The following RAPGEF2 variants were observed in gnomAD, a reference collection of about 807,000 sequenced individuals.
RAPGEF2 encodes the protein Rap guanine nucleotide exchange factor 2.
A neutral mutation model predicts 186.7 loss-of-function variants in RAPGEF2; 54 were observed. The observed-to-expected ratio is 0.29, with a 90% CI of 0.23 to 0.36. RAPGEF2 has a LOEUF of 0.36. RAPGEF2 is among the 10% of genes least tolerant of loss of function. The pLI is 1.00. For synonymous variants in RAPGEF2, 712 were observed against 705.9 expected (o/e 1.01, Z -0.14); for missense variants, 1,532 against 2,045.0 (o/e 0.75, Z 4.84).
intron 7 of RAPGEF2, among the ~76,000 whole-genome samples, chr4:159,284,510 A>G (rs1760181601): frequency 7.0e-6 from 1 of 142,610 alleles, no homozygotes; most frequent in African/African-American, 3.0e-5. Context: ...ACACACACAC[A>G]CACACACACA....
Position 159,124,049 on chromosome 4 carries a change from T to C in RAPGEF2, c.69+19818T>C, listed in dbSNP as rs141068567. On this transcript the variant is annotated intron_variant, in intron 1 of 29. Transcript: ENST00000691494. ...TTTTGTATTTTTAGTAGAGATGGCG[T>C]TTCGCCATGTTGGCCAGGCTGTTCT... is the stretch of plus-strand genomic sequence containing the variant. 5.2e-3 allele frequency among the ~76,000 whole-genome samples: 793 copies of C among 151,362 alleles called. 8 individuals are homozygous for C. The highest frequency in any genetic ancestry group is 0.018 in the African/African-American group (754 of 41,270).
At position 159,266,331 on chromosome 4, in the gene RAPGEF2, A is replaced by G. The variant is rs77225330; in HGVS notation, c.543+22540A>G. ...GAAACACAAGTCAGCAAGCACTGAC[A>G]GTTCCAAAGTCAATTATTAAAAATG... On this transcript the variant is annotated intron_variant, in intron 7 of 29. Transcript: ENST00000691494. 4.5e-3 allele frequency among the ~76,000 whole-genome samples: 688 copies of G among 152,314 alleles called. 6 individuals carry two copies. The highest frequency in any genetic ancestry group is 0.016 in the African/African-American group (649 of 41,568).
chr4:159,178,724 GTTTTTGTAT>G (rs1375748036), intron 1 of RAPGEF2, among the ~76,000 whole-genome samples: 1 of 151,656 alleles, frequency 6.6e-6, no homozygotes, highest in Non-Finnish European at 1.5e-5. Context: ...CGCCCGGCTA[GTTTTTGTAT>G]TTTTAGTAGA....
chr4:159,309,141 C>T (rs1366167363), intron 8 of RAPGEF2, among the ~76,000 whole-genome samples: 1 of 152,162 alleles, frequency 6.6e-6, no homozygotes, highest in Non-Finnish European at 1.5e-5. Flanking sequence ...TTTCTAACTG[C>T]AGATCATAGC....
intron 7 of RAPGEF2, among the ~76,000 whole-genome samples, chr4:159,277,790 A>G (rs1050590623): frequency 2.0e-5 from 3 of 151,890 alleles, no homozygotes; most frequent in African/African-American, 7.3e-5. Flanking sequence ...TTTTTCTTGT[A>G]AATTTGTTTA....
At position 159,358,225 on chromosome 4, in the gene RAPGEF2, A is replaced by C. The variant is rs537369719; in HGVS notation, c.*86A>C. 1 of 1,398,292 alleles carries C rather than the reference A, an allele frequency of 7.2e-7. No homozygotes were observed. Among genetic ancestry groups the C allele is most frequent in the African/African-American group, 1.4e-5 (1 of 69,506 alleles). 86.6% of individuals were successfully genotyped at this position (1,398,292 alleles called of 1,614,324 possible). On this transcript the variant is annotated 3_prime_UTR_variant, in exon 30 of 30. Transcript: ENST00000691494. The stretch of plus-strand genomic sequence containing the variant: ...TGAGCATTGGAGCCTTGGAACTCAC[A>C]TTCTGAGGACGGTGGACCAGTTTGC...
intron 7 of RAPGEF2, among the ~76,000 whole-genome samples, chr4:159,298,684 AGAGGGAGT>A (rs1344643417): frequency 1.3e-5 from 2 of 152,216 alleles, no homozygotes; most frequent in East Asian, 3.8e-4. Flanking sequence ...CTTGAGTTCC[AGAGGGAGT>A]GAAAGATCGT....
chr4:159,227,977 A>T (rs891216054), intron 4 of RAPGEF2, among the ~76,000 whole-genome samples: 1 of 152,218 alleles, frequency 6.6e-6, no homozygotes, highest in African/African-American at 2.4e-5. Flanking sequence ...TTTGACCTTG[A>T]AGACTCAGAG....
At chr4:159,323,906 CTT>C (rs533696130) in intron 11 of RAPGEF2, among the ~76,000 whole-genome samples, 3 of 130,494 alleles carry the variant, frequency 2.3e-5, no homozygotes, top group Non-Finnish European at 1.7e-5. Context: ...TTTTGGAGGG[CTT>C]TTTTTTTTTT....
chr4:159,155,304 G>A lies in RAPGEF2; in HGVS notation c.70-31338G>A, dbSNP rs139789085. Among the ~76,000 whole-genome samples the A allele has an allele frequency of 1.9e-3, 285 of 152,244 alleles. 1 individual carries two copies. The highest frequency in any genetic ancestry group is 0.018 in the East Asian group (91 of 5,188). ...TCCCGCTGAGTGGTTTTAATTTTCCGTTTTGATTGACAGCCACCTTTTGCA... is the reference window on the plus strand; with the variant it reads ...TCCCGCTGAGTGGTTTTAATTTTCCATTTTGATTGACAGCCACCTTTTGCA... On this transcript the variant is annotated intron_variant, in intron 1 of 29. Coordinates refer to ENST00000691494, the MANE Select transcript of RAPGEF2 (RefSeq NM_001394067.2).
chr4:159,335,244 G>T (rs529141610), intron 17 of RAPGEF2, among the ~76,000 whole-genome samples: 25 of 152,296 alleles, frequency 1.6e-4, no homozygotes, highest in Non-Finnish European at 2.5e-4. Context: ...TGAGCTCCCA[G>T]AATTCAGATT....
intron 1 of RAPGEF2, among the ~76,000 whole-genome samples, chr4:159,183,811 A>G (rs1747271391): frequency 6.6e-6 from 1 of 152,198 alleles, no homozygotes; most frequent in Non-Finnish European, 1.5e-5. Flanking sequence ...TTACATGTGT[A>G]TACATGTGCC....
At chr4:159,111,967 G>A (rs914712203) in intron 1 of RAPGEF2, among the ~76,000 whole-genome samples, 1 of 152,130 alleles carries the variant, frequency 6.6e-6, no homozygotes, top group Non-Finnish European at 1.5e-5. Flanking sequence ...GTTCTTGTTG[G>A]ACTTTTATAG....
intron 13 of RAPGEF2, 77 bp downstream of exon 13, chr4:159,330,575 A>G (rs1433132964): frequency 1.9e-6 from 2 of 1,049,896 alleles, no homozygotes; most frequent in Non-Finnish European, 2.8e-6. Flanking sequence ...TATTTGTCAC[A>G]GCAATTATGT....
intron 24 of RAPGEF2, among the ~76,000 whole-genome samples, chr4:159,345,830 G>A (rs909368046): frequency 5.9e-5 from 9 of 151,734 alleles, no homozygotes; most frequent in Non-Finnish European, 1.0e-4. Context: ...TTAAAAATCT[G>A]GTTAATCTAT....
At chr4:159,343,850 G>T (rs1465204629) in intron 22 of RAPGEF2, among the ~76,000 whole-genome samples, 186 bp from the exon 23 acceptor site, 1 of 152,214 alleles carries the variant, frequency 6.6e-6, no homozygotes, top group Non-Finnish European at 1.5e-5. Context: ...AAATTTAAAT[G>T]TATGTGTCTT....
At chr4:159,341,349 ATTTG>A (rs1325335941) in intron 19 of RAPGEF2, among the ~76,000 whole-genome samples, 1 of 152,208 alleles carries the variant, frequency 6.6e-6, no homozygotes, top group East Asian at 1.9e-4. Flanking sequence ...ATTCCATGTG[ATTTG>A]TTTGTTTCTA....
intron 1 of RAPGEF2, among the ~76,000 whole-genome samples, chr4:159,150,363 T>G (rs1199077792): frequency 6.6e-6 from 1 of 152,184 alleles, no homozygotes; most frequent in Non-Finnish European, 1.5e-5. Flanking sequence ...TATATACGGT[T>G]GATTCATCAA....
intron 1 of RAPGEF2, among the ~76,000 whole-genome samples, chr4:159,118,933 T>A (rs988488811): frequency 4.6e-5 from 7 of 152,212 alleles, no homozygotes; most frequent in Non-Finnish European, 8.8e-5. Context: ...TTAATAAATA[T>A]TTACTCTTCT....
Sources: gnomAD v4.1 joint callset for allele counts (sites outside exome capture counted in the v4.1 genomes callset) on GRCh38, gnomAD v4.1.1 for gene constraint, MANE v1.5 for transcripts, NCBI Gene and HGNC (gene_info 2026-07-23, HGNC 2026-07-21) for gene names.